YAE1: variants seen among roughly 807,000 people sequenced by gnomAD.
The protein encoded by YAE1 is YAE1 maturation factor of ABCE1, also known as protein YAE1 homolog.
YAE1 carries 22 observed loss-of-function variants against 23.0 expected under a neutral mutation model. That is an observed-to-expected ratio of 0.96 (90% CI 0.68 to 1.37). The LOEUF is 1.37. Ranked by LOEUF, YAE1 falls within the 40% of genes most tolerant of loss-of-function variation. The pLI is 0.00. For missense variants in YAE1, 260 were observed against 262.1 expected, an observed-to-expected ratio of 0.99 and a Z score of 0.06; for synonymous variants, 101 against 97.0, an observed-to-expected ratio of 1.04 and a Z score of -0.24.
At chr7:39,597,946 A>G (rs930167778) in intron 2 of YAE1, among the ~76,000 whole-genome samples, 2 of 152,156 alleles carry the variant, frequency 1.3e-5, no homozygotes, top group African/African-American at 2.4e-5. Context: ...AAGAAGTGAG[A>G]TAAGAAAAAT....
intron 1 of YAE1, chr7:39,570,059 C>T: frequency 7.8e-7 from 1 of 1,281,032 alleles, no homozygotes; most frequent in South Asian, 1.2e-5. Context: ...TTGTATCATC[C>T]AGCCTCCTTC....
intron 2 of YAE1, chr7:39,609,447 T>C (rs894040615): frequency 1.3e-6 from 1 of 796,240 alleles, no homozygotes. Context: ...AAAGTAATGA[T>C]GTTATCAAAT....
At chr7:39,580,329 C>T (rs1247215092) in intron 2 of YAE1, among the ~76,000 whole-genome samples, 1 of 152,214 alleles carries the variant, frequency 6.6e-6, no homozygotes, top group Non-Finnish European at 1.5e-5. Flanking sequence ...TGTTAGCTCA[C>T]CACTCACATA....
chr7:39,602,307 G>A (rs1273418683), intron 2 of YAE1, among the ~76,000 whole-genome samples: 5 of 152,162 alleles, frequency 3.3e-5, no homozygotes, highest in Non-Finnish European at 7.3e-5. Context: ...CAATGCAGCC[G>A]ATAGACTGCT....
chr7:39,597,933 G>A (rs574952674), intron 2 of YAE1, among the ~76,000 whole-genome samples: 162 of 152,092 alleles, frequency 1.1e-3, no homozygotes, highest in Non-Finnish European at 1.9e-3. Flanking sequence ...GAAATGGGGA[G>A]GAAAGAAGTG....
Position 39,572,556 on chromosome 7 carries a change from G to A in YAE1, c.531G>A (p.Gly177=), listed in dbSNP as rs1790589428. The A allele has an allele frequency of 6.2e-7, 1 of 1,614,002 alleles. No individual in the cohort carries two copies. The highest frequency in any genetic ancestry group is 1.3e-5 in the African/African-American group (1 of 74,924). ...AAAACTGTAGCAAGAGCCATAGTGG[G>A]ATAGATTGTTCATATGTAGAATGTT... ...FNKNCSKSHS[G]IDCSYVECCR... Residue 177 remains glycine (G), a synonymous_variant, in exon 3 of 3, where the codon GGG becomes GGA. Coordinates refer to ENST00000223273, the MANE Select transcript of YAE1 (RefSeq NM_020192.5).
At chr7:39,583,566 T>C (rs1790775592) in intron 2 of YAE1, among the ~76,000 whole-genome samples, 1 of 152,234 alleles carries the variant, frequency 6.6e-6, no homozygotes, top group Non-Finnish European at 1.5e-5. Context: ...CAGAATTTAT[T>C]TGGTTCTCCA....
downstream of YAE1, among the ~76,000 whole-genome samples, chr7:39,577,147 T>C (rs1262124132): frequency 6.6e-6 from 1 of 152,198 alleles, no homozygotes; most frequent in Non-Finnish European, 1.5e-5. Flanking sequence ...CCACCCGCCT[T>C]GGCCTCCCAA....
At chr7:39,583,247 ATAT>A (rs1389559133) in intron 2 of YAE1, among the ~76,000 whole-genome samples, 5 of 152,272 alleles carry the variant, frequency 3.3e-5, no homozygotes, top group African/African-American at 1.2e-4. Context: ...ACATGTGGAC[ATAT>A]TATACAAAAA....
At chr7:39,582,473 T>C (rs568527797) in intron 2 of YAE1, among the ~76,000 whole-genome samples, 1 of 152,348 alleles carries the variant, frequency 6.6e-6, no homozygotes, top group South Asian at 2.1e-4. Context: ...TAAAAGTATT[T>C]TCATTTAAAA....
chr7:39,602,322 C>T (rs1336859915), intron 2 of YAE1, among the ~76,000 whole-genome samples: 1 of 152,194 alleles, frequency 6.6e-6, no homozygotes, highest in Non-Finnish European at 1.5e-5. Context: ...ACTGCTGAAA[C>T]AAACACAGTA....
intron 2 of YAE1, among the ~76,000 whole-genome samples, chr7:39,594,215 C>T (rs1444750542): frequency 6.6e-6 from 1 of 152,166 alleles, no homozygotes; most frequent in Non-Finnish European, 1.5e-5. Context: ...AGGAATCAGC[C>T]AGATTTCCAA....
At chr7:39,598,412 G>GT (rs3038990) in intron 2 of YAE1, among the ~76,000 whole-genome samples, 335 of 140,910 alleles carry the variant, frequency 2.4e-3, no homozygotes, top group Admixed American at 3.4e-3. Context: ...CCTGGGCCAA[G>GT]TTTTTTTTTT....
Position 39,570,570 on chromosome 7 carries a change from G to T in YAE1, c.194G>T (p.Gly65Val). 6.2e-7 allele frequency: 1 copy of T among 1,611,260 alleles called. No individual in the cohort carries two copies. Among genetic ancestry groups the T allele is most frequent in the Non-Finnish European group, 8.5e-7 (1 of 1,179,540 alleles). ...AVTLQQGFNQ[G>V]YKKGAEVILN... ...ACTCTTCAACAGGGCTTCAATCAAG[G>T]TTATAAGAAAGGTGCAGAAGTCATT... The change falls in exon 2 of 3, where the codon GGT (glycine) becomes GTT (valine). Residue 65 changes from glycine to valine, a missense_variant. By Grantham distance (109) the Gly-to-Val change is moderately radical. Transcript: ENST00000223273.
At chr7:39,588,612 T>G (rs1790856743) in intron 2 of YAE1, among the ~76,000 whole-genome samples, 1 of 151,998 alleles carries the variant, frequency 6.6e-6, no homozygotes, top group Non-Finnish European at 1.5e-5. Context: ...TAATGGAAGT[T>G]CCGTCTCAAA....
At chr7:39,611,553 G>GT (rs1791218274), downstream of YAE1, among the ~76,000 whole-genome samples, 1 of 152,150 alleles carries the variant, frequency 6.6e-6, no homozygotes, top group African/African-American at 2.4e-5. Flanking sequence ...CTTTGGTCAG[G>GT]TTCCCCCAAA....
In YAE1 at chr7:39,609,738, A is replaced by T; in HGVS notation, c.373A>T (p.Lys125Ter). 2.0e-6 allele frequency: 3 copies of T among 1,535,442 alleles called. No homozygotes were observed. Among genetic ancestry groups the T allele is most frequent in the Non-Finnish European group, 2.6e-6 (3 of 1,146,768 alleles). ...CCACATGGCGAGCGGGGCGACACCG[A>T]AGCAGCCCACGGAGCTCGAGGCGAC... Residue 125 changes from lysine (K) to a stop codon, truncating the protein, a stop_gained, in exon 3 of 3, where the codon AAG becomes TAG. Coordinates refer to the YAE1 transcript ENST00000432096. LOFTEE classifies it low-confidence loss of function (END_TRUNC).
chr7:39,595,114 T>C (rs141939553), intron 2 of YAE1, among the ~76,000 whole-genome samples: 1 of 152,096 alleles, frequency 6.6e-6, no homozygotes, highest in African/African-American at 2.4e-5. Context: ...CTGAAAAAAG[T>C]AACCAGGCAA....
chr7:39,573,072 C>T (rs1350753035), downstream of YAE1, among the ~76,000 whole-genome samples: 2 of 152,120 alleles, frequency 1.3e-5, no homozygotes, highest in African/African-American at 4.8e-5. Context: ...GTGGTCAGGA[C>T]CTCACCAAAC....
Sources: allele counts gnomAD v4.1 joint callset (sites outside exome capture counted in the v4.1 genomes callset), GRCh38; gene constraint gnomAD v4.1.1; transcripts MANE v1.5; gene names NCBI Gene and HGNC (gene_info 2026-07-23, HGNC 2026-07-21).